The following CARD10 variants were observed in gnomAD, a reference collection of about 807,000 sequenced individuals.
The protein encoded by CARD10 is caspase recruitment domain family member 10, also known as caspase recruitment domain-containing protein 10.
CARD10 carries 49 observed loss-of-function variants against 114.6 expected under a neutral mutation model. That is an observed-to-expected ratio of 0.43 (90% CI 0.34 to 0.54). The LOEUF is 0.54. Among genes scored for constraint, CARD10 ranks in the 20% least tolerant of loss-of-function variants. The pLI, the probability that CARD10 is intolerant of heterozygous loss-of-function variation, is 0.03. For missense variants in CARD10, 1,206 were observed against 1,397.2 expected (o/e 0.86, Z 2.18); for synonymous variants, 602 against 593.2 (o/e 1.01, Z -0.21).
intron 15 of CARD10, 107 bp downstream of exon 15, chr22:37,495,410 G>A: frequency 2.5e-6 from 2 of 798,014 alleles, no homozygotes; most frequent in Admixed American, 2.5e-5. Context: ...CACCAGGGAA[G>A]GAGGGAGGGA....
chr22:37,508,767 G>T, intron 4 of CARD10, 85 bp from the exon 5 acceptor site: 1 of 1,422,962 alleles, frequency 7.0e-7, no homozygotes, highest in Non-Finnish European at 9.4e-7. Context: ...GCAGCTCTCA[G>T]CCCTCCAAAC....
Position 37,496,017 on chromosome 22 carries a change from G to A in CARD10, c.2060-14C>T, listed in dbSNP as rs763120175. On this transcript the variant is annotated splice_polypyrimidine_tract_variant and intron_variant, in intron 13 of 19. Transcript: ENST00000251973. The surrounding 1 kb of genome is among the most constrained non-coding windows in gnomAD (Gnocchi z 4.1). ...AGGACTGGCAGGCTGGGCATGGATG[G>A]GGCAGGGGGCAGCAAGGAGGACAAG... 6 of 1,611,702 alleles carry A rather than the reference G, an allele frequency of 3.7e-6. No individual in the cohort carries two copies. The highest frequency in any genetic ancestry group is 1.3e-5 in the African/African-American group (1 of 74,904).
At chr22:37,504,544 T>C in intron 8 of CARD10, 91 bp downstream of exon 8, 1 of 1,455,060 alleles carries the variant, frequency 6.9e-7, no homozygotes. Context: ...TGTCCTCACC[T>C]GTGAAATGGA....
chr22:37,495,554 C>T lies in CARD10; in HGVS notation c.2336G>A (p.Cys779Tyr), dbSNP rs1052249875. ...GCCTCGGTGCCGGCTGGAGGGCAGG[C>T]ATTTCTCCTGAACTTCTAGGAGCTG... ...AQQLLEVQEKCLPSSRHRGPR... is the reference protein window; with the variant it reads ...AQQLLEVQEKYLPSSRHRGPR... The change falls in exon 15 of 20, where the codon TGC becomes TAC. Residue 779 changes from cysteine (C) to tyrosine (Y), a missense_variant. Physicochemically the swap from Cys to Tyr is radical, Grantham distance 194. Coordinates refer to ENST00000251973, the MANE Select transcript of CARD10 (RefSeq NM_014550.4). The T allele has an allele frequency of 1.9e-6, 3 of 1,613,244 alleles. No homozygotes were observed. The highest frequency in any genetic ancestry group is 2.5e-6 in the Non-Finnish European group (3 of 1,179,850).
intron 2 of CARD10, among the ~76,000 whole-genome samples, chr22:37,517,640 C>CAA (rs200585837): frequency 1.4e-5 from 2 of 138,242 alleles, no homozygotes; most frequent in African/African-American, 2.6e-5. Context: ...GACACTGTCT[C>CAA]AAAAAAAAAA....
At position 37,517,928 on chromosome 22, in the gene CARD10, CA is replaced by C; in HGVS notation, c.373+42del. ...ACAGGGATGGGGAAAGGAGCCTGTGCACTGGAGTCCGAGGTGCCAGCATCCA... is the reference window on the plus strand; with the variant it reads ...ACAGGGATGGGGAAAGGAGCCTGTGCCTGGAGTCCGAGGTGCCAGCATCCA... On this transcript the variant is annotated intron_variant, in intron 2 of 19. Coordinates refer to ENST00000251973, the MANE Select transcript of CARD10 (RefSeq NM_014550.4). 5.0e-6 allele frequency: 8 copies of C among 1,598,918 alleles called. No homozygotes were observed. In the African/African-American group the frequency reaches 5.3e-5, roughly 11 times the overall value.
Position 37,491,182 on chromosome 22 carries a change from A to G in CARD10, c.3076T>C (p.Cys1026Arg). 6.4e-7 allele frequency: 1 copy of G among 1,568,020 alleles called. No homozygotes were observed. Among genetic ancestry groups the G allele is most frequent in the Non-Finnish European group, 8.6e-7 (1 of 1,158,238 alleles). ...CCTCAGGCCTCACTGCTGCTGGGGC[A>G]GCCTCTGCTGCTGCCGCACTCCACC... ...VWVECGSSRG[C>R]PSSSEA Residue 1026 changes from cysteine to arginine, a missense_variant, in exon 20 of 20, where the codon TGC (cysteine) becomes CGC (arginine). Transcript: ENST00000251973.
At chr22:37,508,859 G>T in intron 4 of CARD10, 177 bp from the exon 5 acceptor site, 2 of 1,183,514 alleles carry the variant, frequency 1.7e-6, no homozygotes, top group Non-Finnish European at 2.4e-6. Context: ...AGTGGGTGTG[G>T]CCCCACAAGC....
At position 37,492,506 on chromosome 22, in the gene CARD10, C is replaced by T; in HGVS notation, c.2680G>A (p.Ala894Thr). ...GGGGTGGCAGGCTGAGCCTTGGGGG[C>T]TCCAGGCGCTGAGGATGGGCACAGT... ...EELCPSSAPG[A>T]PKAQPATPGL... Residue 894 changes from alanine to threonine, a missense_variant, in exon 18 of 20, where the codon GCC (alanine) becomes ACC (threonine). Physicochemically the swap from Ala to Thr is moderately conservative, Grantham distance 58. Around this residue, in one of 2 missense-constraint regions of CARD10, gnomAD observed 1,068 missense variants for 1,179.1 expected, o/e 0.91. Transcript: ENST00000251973. This position sits in a 1 kb window ranked among gnomAD's most constrained non-coding sequence, Gnocchi z 5.7. 6.2e-7 allele frequency: 1 copy of T among 1,604,448 alleles called. No homozygotes were observed. Among genetic ancestry groups the T allele is most frequent in the Non-Finnish European group, 8.5e-7 (1 of 1,174,270 alleles).
chr22:37,492,338 C>G lies in CARD10; in HGVS notation c.2751+97G>C. On this transcript the variant is annotated intron_variant, in intron 18 of 19. Coordinates refer to ENST00000251973, the MANE Select transcript of CARD10 (RefSeq NM_014550.4). The surrounding 1 kb of genome is among the most constrained non-coding windows in gnomAD (Gnocchi z 5.7). ...GCCGCCCTGCCAGTGAGCAGCAGAGCATGGCCCGCGCTCAGACGCTGGCGC... is the reference window on the plus strand; with the variant it reads ...GCCGCCCTGCCAGTGAGCAGCAGAGGATGGCCCGCGCTCAGACGCTGGCGC... The G allele has an allele frequency of 1.1e-6, 1 of 909,548 alleles. No individual in the cohort carries two copies. Among genetic ancestry groups the G allele is most frequent in the Non-Finnish European group, 1.6e-6 (1 of 613,628 alleles). 56.3% of individuals were successfully genotyped at this position (909,548 alleles called of 1,614,324 possible). A position where few individuals can be genotyped will look rare whatever the true frequency, so the allele number is the denominator to read the frequency against.
At position 37,491,199 on chromosome 22, in the gene CARD10, C is replaced by T. The variant is rs768604345; in HGVS notation, c.3059G>A (p.Cys1020Tyr). The change falls in exon 20 of 20, where the codon TGC becomes TAC. Residue 1020 changes from cysteine (C) to tyrosine (Y), a missense_variant. Transcript: ENST00000251973. The part of the protein sequence containing the change: ...QEQARLVWVE[C>Y]GSSRGCPSSS... ...GCTGGGGCAGCCTCTGCTGCTGCCG[C>T]ACTCCACCCACACGAGGCGGGCCTG... 1.9e-6 allele frequency: 3 copies of T among 1,576,900 alleles called. No homozygotes were observed. In the Admixed American group the frequency reaches 5.5e-5, roughly 29 times the overall value.
chr22:37,513,634 C>A (rs1287012394), intron 3 of CARD10, among the ~76,000 whole-genome samples: 1 of 152,106 alleles, frequency 6.6e-6, no homozygotes, highest in African/African-American at 2.4e-5. Flanking sequence ...GTACCCCCAG[C>A]CTGCAGCCCT....
rs1390535803 is a variant in CARD10 at position 37,501,819 on chromosome 22, A to C, written c.1787+783T>G. On this transcript the variant is annotated intron_variant, in intron 11 of 19. Coordinates refer to ENST00000251973, the MANE Select transcript of CARD10 (RefSeq NM_014550.4). This position sits in a 1 kb window ranked among gnomAD's most constrained non-coding sequence, Gnocchi z 5.4. ...GCCAGCAGCTGGCCTTGCAGTTAAT[A>C]ACTAAACCCTCCCACATTTCCCAGA... 6.6e-6 allele frequency among the ~76,000 whole-genome samples: 1 copy of C among 152,116 alleles called. No homozygotes were observed. The highest frequency in any genetic ancestry group is 1.5e-5 in the Non-Finnish European group (1 of 68,016).
chr22:37,515,642 G>A (rs1208809946), intron 3 of CARD10, among the ~76,000 whole-genome samples: 1 of 151,754 alleles, frequency 6.6e-6, no homozygotes, highest in Non-Finnish European at 1.5e-5. Flanking sequence ...CGATGTTTTA[G>A]GCTAGGTAAT....
At position 37,492,136 on chromosome 22, in the gene CARD10, C is replaced by G. The variant is rs1922824251; in HGVS notation, c.2752-269G>C. On this transcript the variant is annotated intron_variant, in intron 18 of 19. Transcript: ENST00000251973. The surrounding 1 kb of genome is among the most constrained non-coding windows in gnomAD (Gnocchi z 5.7). Reference sequence around the variant, plus strand: ...TGACCCAAACCCACCCACCACCCGCCACCTTATAGCCGACTGCCAGCTCCC... The same window carrying G: ...TGACCCAAACCCACCCACCACCCGCGACCTTATAGCCGACTGCCAGCTCCC... 6.6e-6 allele frequency among the ~76,000 whole-genome samples: 1 copy of G among 152,100 alleles called. No homozygotes were observed. The highest frequency in any genetic ancestry group is 2.4e-5 in the African/African-American group (1 of 41,402).
rs775281385 is a variant in CARD10 at position 37,497,025 on chromosome 22, T to C, written c.1941A>G (p.Pro647=). Residue 647 remains proline (P), a synonymous_variant, in exon 12 of 20, where the codon CCA becomes CCG. Transcript: ENST00000251973. Reference sequence around the variant, plus strand: ...TCAGGAGGCAGGGCCTCACCTCTCTTGGTTCCATCCTGGCGGACCCAGGCC... The same window carrying C: ...TCAGGAGGCAGGGCCTCACCTCTCTCGGTTCCATCCTGGCGGACCCAGGCC... ...LSGPGSARME[P]REQRVEAAGL... 1.2e-6 allele frequency: 2 copies of C among 1,612,432 alleles called. No homozygotes were observed. The highest frequency in any genetic ancestry group is 3.4e-5 in the Admixed American group (2 of 59,620).
chr22:37,496,555 C>A lies in CARD10; in HGVS notation c.1953G>T (p.Arg651Ser). ...CCCCCTCCAGACCAGCAGCTTCCAC[C>A]CTTTGCTGGGAGAAAACCCAGGCAG... ...GSARMEPREQ[R>S]VEAAGLEGAC... Residue 651 changes from arginine to serine, a missense_variant, in exon 13 of 20, where the codon AGG (arginine) becomes AGT (serine). By Grantham distance (110) the Arg-to-Ser change is moderately radical. Coordinates refer to ENST00000251973, the MANE Select transcript of CARD10 (RefSeq NM_014550.4). This position sits in a 1 kb window ranked among gnomAD's most constrained non-coding sequence, Gnocchi z 4.1. 6.2e-7 allele frequency: 1 copy of A among 1,612,030 alleles called. No individual in the cohort carries two copies. The highest frequency in any genetic ancestry group is 1.1e-5 in the South Asian group (1 of 91,038).
rs773684555 is a variant in CARD10, at chr22:37,491,814, G to A, written c.2805C>T (p.Asn935=). The change falls in exon 19 of 20, where the codon AAC becomes AAT. Residue 935 remains asparagine, a synonymous_variant. Transcript: ENST00000251973. ...CGTGGATGACGATGGGGTAGATCTC[G>A]TTCTGCACCAGCTCCCGCACACCCC... The part of the protein sequence containing the change: ...GARGVRELVQ[N]EIYPIVIHVE... 4.8e-5 allele frequency: 77 copies of A among 1,605,038 alleles called. No homozygotes were observed. The highest frequency in any genetic ancestry group is 4.2e-4 in the South Asian group (38 of 90,838).
In CARD10 at chr22:37,510,366, C is replaced by A. The variant is rs1177053530; in HGVS notation, c.755G>T (p.Arg252Leu). Residue 252 changes from arginine (R) to leucine (L), a missense_variant, in exon 4 of 20, where the codon CGA becomes CTA. Physicochemically the swap from Arg to Leu is moderately radical, Grantham distance 102. Coordinates refer to ENST00000251973, the MANE Select transcript of CARD10 (RefSeq NM_014550.4). The part of the protein sequence containing the change: ...SRLEEECALL[R>L]RARGPPPGAE... Reference sequence around the variant, plus strand: ...CCCAGGGGGCGGGCCCCTGGCCCTTCGAAGCAGTGCACACTCTTCCTCCAG... The same window carrying A: ...CCCAGGGGGCGGGCCCCTGGCCCTTAGAAGCAGTGCACACTCTTCCTCCAG... 1 of 1,613,500 alleles carries A rather than the reference C, an allele frequency of 6.2e-7. No homozygotes were observed. Among genetic ancestry groups the A allele is most frequent in the Non-Finnish European group, 8.5e-7 (1 of 1,180,006 alleles).
Sources: gnomAD v4.1 joint callset for allele counts (sites outside exome capture counted in the v4.1 genomes callset) on GRCh38, gnomAD v4.1.1 for gene constraint, gnomAD v4.1.1 regional missense constraint, Gnocchi (gnomAD v3.1) non-coding constraint, MANE v1.5 for transcripts, NCBI Gene and HGNC (gene_info 2026-07-23, HGNC 2026-07-21) for gene names.